AHRR: variants seen among roughly 807,000 people sequenced by gnomAD.
The protein encoded by AHRR is ahR repressor.
A neutral mutation model predicts 44.0 loss-of-function variants in AHRR; 28 were observed. That is an observed-to-expected ratio of 0.64 (90% CI 0.47 to 0.87). The LOEUF is 0.87. Ranked by LOEUF, AHRR falls within the 40% of genes least tolerant of loss-of-function variation. The probability of loss-of-function intolerance (pLI) is 0.00; values close to 1 mark genes in which losing one functional copy is unlikely to be tolerated. For missense variants in AHRR, 990 were observed against 953.9 expected (o/e 1.04, Z -0.50); for synonymous variants, 434 against 407.0 (o/e 1.07, Z -0.80).
chr5:385,402 T>A (rs1277036137), intron 4 of AHRR, among the ~76,000 whole-genome samples: 1 of 152,174 alleles, frequency 6.6e-6, no homozygotes, highest in African/African-American at 2.4e-5. Context: ...CATAAACTCC[T>A]GACCTGAAGC....
At chr5:349,761 A>G (rs1742800324) in intron 2 of AHRR, among the ~76,000 whole-genome samples, 3 of 152,178 alleles carry the variant, frequency 2.0e-5, no homozygotes, top group African/African-American at 7.2e-5. Flanking sequence ...CTTGAAGTCT[A>G]TACTCCTTTT....
At position 337,874 on chromosome 5, in the gene AHRR, A is replaced by G. The variant is rs1332470788; in HGVS notation, c.-10-6019A>G. 6.6e-6 allele frequency among the ~76,000 whole-genome samples: 1 copy of G among 152,194 alleles called. No individual in the cohort carries two copies. The highest frequency in any genetic ancestry group is 2.4e-5 in the African/African-American group (1 of 41,432). On this transcript the variant is annotated intron_variant, in intron 1 of 10. Transcript: ENST00000684583. This position sits in a 1 kb window ranked among gnomAD's most constrained non-coding sequence, Gnocchi z 4.1. ...TGAGCAGGAACACGAAAAAATAGGA[A>G]GCACTGGAACCAGGAGAGGCTCCTT... is the stretch of plus-strand genomic sequence containing the variant.
chr5:351,083 A>ATT (rs1360859967), intron 2 of AHRR, among the ~76,000 whole-genome samples: 2 of 152,190 alleles, frequency 1.3e-5, no homozygotes, highest in African/African-American at 4.8e-5. Context: ...GAATGGCTGT[A>ATT]ATCAAAAAAA....
At chr5:364,992 G>A (rs972621397) in intron 3 of AHRR, among the ~76,000 whole-genome samples, 1 of 151,958 alleles carries the variant, frequency 6.6e-6, no homozygotes, top group African/African-American at 2.4e-5. Context: ...TTCAAAATCT[G>A]TAAAGCAAAT....
chr5:410,680 A>AT (rs1176992170), intron 4 of AHRR, among the ~76,000 whole-genome samples: 3 of 152,164 alleles, frequency 2.0e-5, no homozygotes, highest in Non-Finnish European at 2.9e-5. Flanking sequence ...TTATTCAGGT[A>AT]TTTTCTCAGT....
chr5:324,033 C>G (rs541314417), intron 1 of AHRR, among the ~76,000 whole-genome samples: 1 of 136,452 alleles, frequency 7.3e-6, no homozygotes, highest in Admixed American at 6.9e-5. Context: ...CTCTCTCTCT[C>G]TCTGTCTCTC....
intron 3 of AHRR, among the ~76,000 whole-genome samples, chr5:363,606 A>G (rs1034698719): frequency 6.6e-6 from 1 of 152,166 alleles, no homozygotes; most frequent in African/African-American, 2.4e-5. Context: ...CTAGTTGCCT[A>G]CTGGGAGCTC....
intron 2 of AHRR, among the ~76,000 whole-genome samples, chr5:344,762 GGTGTGT>G (rs140794440): frequency 5.6e-5 from 1 of 17,964 alleles, no homozygotes; most frequent in African/African-American, 4.1e-4. Context: ...TGTGTGTGTG[GGTGTGT>G]GTGTGACTGT....
chr5:367,943 T>C, intron 3 of AHRR: 1 of 702,594 alleles, frequency 1.4e-6, no homozygotes. Flanking sequence ...CATCTGTTGA[T>C]GGTGAATATT....
chr5:350,789 A>G (rs1006091391), intron 2 of AHRR, among the ~76,000 whole-genome samples: 10 of 151,972 alleles, frequency 6.6e-5, no homozygotes, highest in Non-Finnish European at 8.8e-5. Flanking sequence ...AAAAAAAAAA[A>G]AAGAAGTGGA....
chr5:391,277 G>C (rs1041006861), intron 4 of AHRR, among the ~76,000 whole-genome samples: 1 of 151,400 alleles, frequency 6.6e-6, no homozygotes, highest in African/African-American at 2.4e-5. Context: ...GGGGAGCTGA[G>C]GGCAGTCATG....
intron 2 of AHRR, among the ~76,000 whole-genome samples, chr5:348,333 CTTTT>C (rs34078521): frequency 2.1e-5 from 3 of 142,012 alleles, no homozygotes; most frequent in Non-Finnish European, 4.6e-5. Flanking sequence ...TCCCCCCCTC[CTTTT>C]TTTTTTTTTT....
intron 3 of AHRR, among the ~76,000 whole-genome samples, chr5:373,953 G>T (rs1328907726): frequency 2.6e-5 from 4 of 151,562 alleles, no homozygotes; most frequent in Non-Finnish European, 1.5e-5. Context: ...GGGCGCCCGC[G>T]GGGGGCACGC....
intron 4 of AHRR, among the ~76,000 whole-genome samples, chr5:409,422 G>A (rs1735385738): frequency 6.6e-6 from 1 of 152,180 alleles, no homozygotes; most frequent in South Asian, 2.1e-4. Context: ...CTTCCAAAGT[G>A]ACTGTAGCAT....
intron 2 of AHRR, among the ~76,000 whole-genome samples, chr5:351,597 G>A (rs956530688): frequency 6.6e-6 from 1 of 152,208 alleles, no homozygotes; most frequent in African/African-American, 2.4e-5. Context: ...AACAGAAGGG[G>A]AATCTAGAGA....
In AHRR at chr5:419,689, C is replaced by T. The variant is rs1014273406; in HGVS notation, c.442-3040C>T. Among the ~76,000 whole-genome samples, 18 of 152,156 alleles carry T rather than the reference C, an allele frequency of 1.2e-4. No individual in the cohort carries two copies. The highest frequency in any genetic ancestry group is 4.3e-4 in the African/African-American group (18 of 41,430). ...TCCATGGTGCCCGGCTCTTACTGCA[C>T]AGGGACCAACAGGCCGGCCCATAAG... On this transcript the variant is annotated intron_variant, in intron 5 of 10. Coordinates refer to ENST00000684583, the MANE Select transcript of AHRR (RefSeq NM_001377236.1). This position sits in a 1 kb window ranked among gnomAD's most constrained non-coding sequence, Gnocchi z 4.4.
intron 1 of AHRR, among the ~76,000 whole-genome samples, chr5:331,030 C>G (rs1333600866): frequency 6.6e-6 from 1 of 151,874 alleles, no homozygotes; most frequent in Non-Finnish European, 1.5e-5. Flanking sequence ...GCGCGTGCCA[C>G]CATGCCCAGC....
intron 3 of AHRR, among the ~76,000 whole-genome samples, chr5:364,884 A>C (rs1432490338): frequency 1.3e-5 from 2 of 152,162 alleles, no homozygotes; most frequent in Admixed American, 6.5e-5. Flanking sequence ...GGTAAAAAGC[A>C]TCACTGGAGA....
In AHRR at chr5:427,973, C is replaced by T; in HGVS notation, c.875C>T (p.Pro292Leu). 6.2e-7 allele frequency: 1 copy of T among 1,613,978 alleles called. No homozygotes were observed. Among genetic ancestry groups the T allele is most frequent in the Non-Finnish European group, 8.5e-7 (1 of 1,180,018 alleles). Residue 292 changes from proline to leucine, a missense_variant, in exon 8 of 11, where the codon CCC becomes CTC. By Grantham distance (98) the Pro-to-Leu change is moderately conservative (BLOSUM62 -3). Transcript: ENST00000684583. ...AGGAGCGCGCTCCTGAGGGCAAAAC[C>T]CAGAGCAGACACCGCAGCCACCGCG... is the stretch of plus-strand genomic sequence containing the variant. ...KMRSALLRAK[P>L]RADTAATADA... is the part of the protein sequence containing the mutation.
Sources: gnomAD v4.1 joint callset for allele counts (sites outside exome capture counted in the v4.1 genomes callset) on GRCh38, gnomAD v4.1.1 for gene constraint, Gnocchi (gnomAD v3.1) non-coding constraint, MANE v1.5 for transcripts, NCBI Gene and HGNC (gene_info 2026-07-23, HGNC 2026-07-21) for gene names.